The following AATK variants were observed in gnomAD, a reference collection of about 807,000 sequenced individuals.
AATK encodes serine/threonine-protein kinase LMTK1.
AATK carries 91 observed loss-of-function variants against 114.3 expected under a neutral mutation model. The ratio of observed to expected loss-of-function variants is 0.80; its 90% confidence interval spans 0.67 to 0.95. AATK has a LOEUF of 0.95. AATK is among the 40% of genes least tolerant of loss of function. The pLI, the probability that AATK is intolerant of heterozygous loss-of-function variation, is 0.00. For missense variants in AATK, 2,176 were observed against 1,965.2 expected (o/e 1.11, Z -2.03); for synonymous variants, 1,075 against 916.5 (o/e 1.17, Z -3.12).
chr17:81,157,162 C>T (rs575991594), intron 1 of AATK, among the ~76,000 whole-genome samples: 4 of 152,336 alleles, frequency 2.6e-5, no homozygotes, highest in Non-Finnish European at 5.9e-5. Context: ...ACCGCCCCCG[C>T]CAAGAGAGGG....
At chr17:81,143,233 G>A (rs545887494) in intron 1 of AATK, among the ~76,000 whole-genome samples, 6 of 150,554 alleles carry the variant, frequency 4.0e-5, no homozygotes, top group East Asian at 2.0e-4. Flanking sequence ...CGTCCCAGGC[G>A]GAAGCCGCCT....
intron 1 of AATK, among the ~76,000 whole-genome samples, chr17:81,146,080 T>C (rs1322542780): frequency 6.6e-6 from 1 of 151,472 alleles, no homozygotes; most frequent in East Asian, 1.9e-4. Flanking sequence ...TCCCAGCTAC[T>C]TGGGAGGCTG....
chr17:81,140,650 C>A (rs372838862), intron 1 of AATK, among the ~76,000 whole-genome samples: 6 of 148,836 alleles, frequency 4.0e-5, no homozygotes, highest in Admixed American at 1.3e-4. Flanking sequence ...GACCGTGGGG[C>A]CGGGGGACCG....
intron 1 of AATK, among the ~76,000 whole-genome samples, chr17:81,142,390 A>G (rs2061152215): frequency 6.6e-6 from 1 of 151,126 alleles, no homozygotes; most frequent in Admixed American, 6.6e-5. Context: ...CTCCCACCTT[A>G]GCCTCCCAAG....
At chr17:81,124,618 G>A in intron 9 of AATK, 109 bp downstream of exon 9, 1 of 1,524,772 alleles carries the variant, frequency 6.6e-7, no homozygotes, top group Non-Finnish European at 8.8e-7. Context: ...GGCCACTACA[G>A]GTGGCTCCGG....
chr17:81,155,070 G>T (rs553723078), intron 1 of AATK, among the ~76,000 whole-genome samples: 2 of 152,308 alleles, frequency 1.3e-5, no homozygotes, highest in African/African-American at 4.8e-5. Context: ...TGCACTTTTT[G>T]CGTGTTTGAC....
chr17:81,165,725 C>A, intron 1 of AATK: 1 of 1,522,478 alleles, frequency 6.6e-7, no homozygotes, highest in South Asian at 1.2e-5. Context: ...ACGCGGGGGA[C>A]GCCAGCCCAC....
At chr17:81,143,843 G>A (rs746315639) in intron 1 of AATK, among the ~76,000 whole-genome samples, 7 of 152,206 alleles carry the variant, frequency 4.6e-5, no homozygotes, top group African/African-American at 7.2e-5. Context: ...CTCACCCGTC[G>A]GGTGTGCCTG....
At chr17:81,162,966 C>G (rs916304616) in intron 1 of AATK, among the ~76,000 whole-genome samples, 1 of 152,182 alleles carries the variant, frequency 6.6e-6, no homozygotes, top group Non-Finnish European at 1.5e-5. Context: ...GGTACCCACC[C>G]TTGGCTCAGT....
intron 1 of AATK, among the ~76,000 whole-genome samples, chr17:81,137,976 AC>A (rs1480341903): frequency 8.0e-5 from 12 of 150,458 alleles, no homozygotes; most frequent in Non-Finnish European, 1.5e-4. Context: ...ACACGCAGAC[AC>A]CCACACGCGT....
intron 4 of AATK, among the ~76,000 whole-genome samples, 168 bp from the exon 5 acceptor site, chr17:81,128,078 G>A (rs1416134001): frequency 2.6e-5 from 4 of 151,986 alleles, no homozygotes; most frequent in Admixed American, 6.6e-5. Flanking sequence ...GATCCCTCCC[G>A]GCAACCCTCT....
chr17:81,154,231 G>C (rs1314209389), intron 1 of AATK, among the ~76,000 whole-genome samples: 2 of 152,090 alleles, frequency 1.3e-5, no homozygotes, highest in Non-Finnish European at 2.9e-5. Flanking sequence ...AGCTCTTAGG[G>C]ACTGTCTCTG....
intron 1 of AATK, among the ~76,000 whole-genome samples, chr17:81,163,101 C>T (rs73370017): frequency 0.012 from 1,821 of 152,272 alleles, 33 homozygotes; most frequent in African/African-American, 0.042. Flanking sequence ...CCAGGGCAAA[C>T]CCCTGCTCCT....
intron 4 of AATK, among the ~76,000 whole-genome samples, 194 bp downstream of exon 4, chr17:81,128,276 T>C (rs2060877868): frequency 6.6e-6 from 1 of 152,114 alleles, no homozygotes; most frequent in African/African-American, 2.4e-5. Context: ...CAGGTACCTC[T>C]GACCCCAGGA....
chr17:81,165,687 C>T (rs765119924), intron 1 of AATK: 3 of 1,513,994 alleles, frequency 2.0e-6, no homozygotes, highest in South Asian at 1.2e-5. Flanking sequence ...GTTACCTGTG[C>T]CCTGGAGGCA....
intron 1 of AATK, among the ~76,000 whole-genome samples, chr17:81,136,940 C>T (rs565721715): frequency 1.6e-4 from 25 of 152,284 alleles, no homozygotes; most frequent in African/African-American, 6.0e-4. Flanking sequence ...GTCCGAAGCT[C>T]CAGAGACCCT....
At chr17:81,153,993 C>A (rs1363774574) in intron 1 of AATK, among the ~76,000 whole-genome samples, 2 of 152,144 alleles carry the variant, frequency 1.3e-5, no homozygotes, top group Non-Finnish European at 2.9e-5. Flanking sequence ...ATTGCTTGAA[C>A]CTGGGAGGCG....
At chr17:81,165,865 C>G (rs1280313232) in intron 1 of AATK, 73 bp downstream of exon 1, 1 of 1,535,100 alleles carries the variant, frequency 6.5e-7, no homozygotes, top group Non-Finnish European at 8.8e-7. Context: ...AACCGGGAGC[C>G]GTGGGGCCCA....
intron 1 of AATK, among the ~76,000 whole-genome samples, chr17:81,164,776 C>T (rs1427783236): frequency 6.6e-6 from 1 of 152,176 alleles, no homozygotes; most frequent in Non-Finnish European, 1.5e-5. Flanking sequence ...GGCTGTTGGG[C>T]TCTGAGCCTT....
Sources: allele counts gnomAD v4.1 joint callset (sites outside exome capture counted in the v4.1 genomes callset), GRCh38; gene constraint gnomAD v4.1.1; transcripts MANE v1.5; gene names NCBI Gene and HGNC (gene_info 2026-07-23, HGNC 2026-07-21).